Variants in NCKAP5 observed in about 807,000 individuals in gnomAD.
NCKAP5 encodes the protein nck-associated protein 5.
Under a neutral mutation model 167.0 loss-of-function variants are expected in NCKAP5, and 92 were observed. That is an observed-to-expected ratio of 0.55 (90% CI 0.47 to 0.66). NCKAP5 has a LOEUF of 0.66. NCKAP5 is among the 30% of genes least tolerant of loss of function. The pLI is 0.00. For synonymous variants in NCKAP5, 891 were observed against 877.4 expected, an observed-to-expected ratio of 1.02 and a Z score of -0.27; for missense variants, 2,378 against 2,315.0, an observed-to-expected ratio of 1.03 and a Z score of -0.56.
chr2:133,499,045 A>G (rs1682241070), intron 3 of NCKAP5, among the ~76,000 whole-genome samples: 1 of 152,356 alleles, frequency 6.6e-6, no homozygotes, highest in African/African-American at 2.4e-5. Context: ...AAGACAATTT[A>G]CTTTGCATGG....
intron 3 of NCKAP5, among the ~76,000 whole-genome samples, chr2:133,323,504 T>C (rs1256306995): frequency 1.3e-5 from 2 of 152,054 alleles, no homozygotes; most frequent in African/African-American, 4.8e-5. Flanking sequence ...ATAGGCTGGG[T>C]TAAAGAGGAG....
chr2:132,905,599 G>A lies in NCKAP5; in HGVS notation c.580-26683C>T, dbSNP rs150655178. 5.7e-4 allele frequency among the ~76,000 whole-genome samples: 87 copies of A among 152,266 alleles called. 2 individuals are homozygous for A. Among genetic ancestry groups the A allele is most frequent in the African/African-American group, 1.9e-3 (79 of 41,568 alleles). ...GCCTGCCTATCTTGGAACATGGTAT[G>A]TCTCTTTACTAAATTCTGCCTTATT... On this transcript the variant is annotated intron_variant, in intron 8 of 19. Transcript: ENST00000409261.
intron 8 of NCKAP5, among the ~76,000 whole-genome samples, chr2:132,920,793 A>ATGTATGTGTG (rs1558943484): frequency 2.2e-5 from 2 of 91,234 alleles, no homozygotes; most frequent in African/African-American, 9.9e-5. Context: ...ATATATATAT[A>ATGTATGTGTG]TATATATATA....
chr2:132,984,300 G>A (rs2077224474), intron 7 of NCKAP5, among the ~76,000 whole-genome samples: 1 of 152,170 alleles, frequency 6.6e-6, no homozygotes, highest in Non-Finnish European at 1.5e-5. Context: ...GGTGGGTTGT[G>A]AACCCCAATC....
chr2:132,680,219 A>C (rs1319403239), intron 19 of NCKAP5, among the ~76,000 whole-genome samples: 1 of 152,034 alleles, frequency 6.6e-6, no homozygotes, highest in East Asian at 1.9e-4. Context: ...CCTTCTGAAA[A>C]ATTAAAGTGA....
chr2:133,196,507 G>C (rs1392741917), intron 5 of NCKAP5, among the ~76,000 whole-genome samples: 1 of 152,150 alleles, frequency 6.6e-6, no homozygotes, highest in African/African-American at 2.4e-5. Context: ...AGGTAGAAAG[G>C]CTGGGAGTAG....
the NCKAP5 span, among the ~76,000 whole-genome samples, chr2:133,604,072 T>C: frequency 1.6e-4 from 24 of 152,176 alleles, no homozygotes; most frequent in Admixed American, 1.6e-3. Context: ...GAATGCTTTC[T>C]GGGGAAAGGA....
intron 9 of NCKAP5, among the ~76,000 whole-genome samples, chr2:132,874,632 G>A (rs779638801): frequency 5.3e-5 from 8 of 152,174 alleles, no homozygotes; most frequent in Admixed American, 2.6e-4. Context: ...GCTCTGAAGT[G>A]TAGAGGTTGG....
At chr2:133,492,857 G>T (rs1376827590) in intron 3 of NCKAP5, among the ~76,000 whole-genome samples, 1 of 152,140 alleles carries the variant, frequency 6.6e-6, no homozygotes, top group Non-Finnish European at 1.5e-5. Context: ...CTCCTTCCTG[G>T]ACTGGAAGAC....
At chr2:133,181,603 CAAAAAAAAA>C (rs34264277) in intron 5 of NCKAP5, among the ~76,000 whole-genome samples, 14 of 71,150 alleles carry the variant, frequency 2.0e-4, no homozygotes, top group African/African-American at 5.8e-4. Flanking sequence ...CCCATCTCTA[CAAAAAAAAA>C]AAAAAAAAAA....
At chr2:133,523,940 T>C (rs765723608) in intron 2 of NCKAP5, among the ~76,000 whole-genome samples, 4 of 152,140 alleles carry the variant, frequency 2.6e-5, no homozygotes, top group African/African-American at 2.4e-5. Context: ...TATCAATGCC[T>C]AGGTCCCACC....
chr2:133,114,520 A>T (rs28654805), intron 6 of NCKAP5, among the ~76,000 whole-genome samples: 10,619 of 152,238 alleles, frequency 0.07, 437 homozygotes, highest in East Asian at 0.18. Flanking sequence ...TAAAAACATG[A>T]ACTATATCAA....
chr2:133,478,930 G>A (rs74323445), intron 3 of NCKAP5, among the ~76,000 whole-genome samples: 1 of 152,072 alleles, frequency 6.6e-6, no homozygotes, highest in East Asian at 1.9e-4. Context: ...TCACCCTGAA[G>A]AAAGGTGAGC....
intron 19 of NCKAP5, among the ~76,000 whole-genome samples, chr2:132,721,727 C>T (rs1345311275): frequency 6.6e-6 from 1 of 152,242 alleles, no homozygotes; most frequent in Non-Finnish European, 1.5e-5. Flanking sequence ...GCCATGCCAG[C>T]TGTCTGCATA....
chr2:132,815,518 T>C (rs1179698314), intron 11 of NCKAP5, among the ~76,000 whole-genome samples: 1 of 152,230 alleles, frequency 6.6e-6, no homozygotes, highest in African/African-American at 2.4e-5. Flanking sequence ...TCCAGGGGTT[T>C]AAAAACATTT....
intron 5 of NCKAP5, among the ~76,000 whole-genome samples, chr2:133,153,508 T>C (rs943420749): frequency 6.6e-6 from 1 of 152,118 alleles, no homozygotes; most frequent in Non-Finnish European, 1.5e-5. Context: ...ACTCATTTAA[T>C]AGTTACAAAA....
chr2:132,818,656 C>A (rs566533908), intron 11 of NCKAP5, among the ~76,000 whole-genome samples: 2 of 152,248 alleles, frequency 1.3e-5, no homozygotes, highest in Admixed American at 1.3e-4. Flanking sequence ...CCACTGCACT[C>A]CAGCCTGGGT....
At chr2:133,107,950 C>A (rs1228185596) in intron 6 of NCKAP5, among the ~76,000 whole-genome samples, 1 of 152,164 alleles carries the variant, frequency 6.6e-6, no homozygotes, top group Non-Finnish European at 1.5e-5. Flanking sequence ...TTCCAATAGT[C>A]TCTAATATTT....
At position 133,041,889 on chromosome 2, in the gene NCKAP5, G is replaced by A. The variant is rs566543628; in HGVS notation, c.342-47650C>T. On this transcript the variant is annotated intron_variant, in intron 6 of 19. Transcript: ENST00000409261. ...AAATAAAGGAGGATGCTTAAATTTT[G>A]TTAGAATTATTTTTTTCTATCAAAA... is the stretch of plus-strand genomic sequence containing the variant. Among the ~76,000 whole-genome samples, 41 of 152,256 alleles carry A rather than the reference G, an allele frequency of 2.7e-4. No homozygotes were observed. The Middle Eastern group carries it at 0.014, about 51-fold the overall frequency.
Sources: allele counts gnomAD v4.1 joint callset (sites outside exome capture counted in the v4.1 genomes callset), GRCh38; gene constraint gnomAD v4.1.1; transcripts MANE v1.5; gene names NCBI Gene and HGNC (gene_info 2026-07-23, HGNC 2026-07-21).